Variants in XRCC6 observed in about 807,000 individuals in gnomAD.
XRCC6 encodes the protein DNA repair protein Ku70.
In XRCC6, 5 loss-of-function variants were observed where a neutral mutation model predicts 65.7. The observed-to-expected ratio is 0.08, with a 90% CI of 0.04 to 0.16. XRCC6 has a LOEUF of 0.16. Ranked by LOEUF, XRCC6 falls within the 10% of genes least tolerant of loss-of-function variation. The pLI, the probability that XRCC6 is intolerant of heterozygous loss-of-function variation, is 1.00. For missense variants in XRCC6, 447 were observed against 738.1 expected (o/e 0.61, Z 4.57); for synonymous variants, 270 against 270.6 (o/e 1.00, Z 0.02).
At position 41,636,099 on chromosome 22, in the gene XRCC6, A is replaced by AT. The variant is rs28384728; in HGVS notation, c.196-4dup. 29,237 of 1,467,304 alleles carry AT rather than the reference A, an allele frequency of 0.02. 550 individuals are homozygous for AT. The highest frequency in any genetic ancestry group is 0.097 in the African/African-American group (6,815 of 70,042). The allele number at this position is 1,467,304 out of a possible 1,614,324, so 90.9% of individuals were successfully genotyped here. A position where few individuals can be genotyped will look rare whatever the true frequency, so the allele number is the denominator to read the frequency against. On this transcript the variant is annotated splice_polypyrimidine_tract_variant and intron_variant, in intron 3 of 12. Transcript: ENST00000360079. ...TTAGTGGTAAGTAAATATTAATTGA[A>AT]TTTTTTTTTTCAGTGTATCCAAAGT...
chr22:41,642,664 G>A (rs1317076430), intron 6 of XRCC6, among the ~76,000 whole-genome samples: 2 of 152,174 alleles, frequency 1.3e-5, no homozygotes, highest in African/African-American at 4.8e-5. Flanking sequence ...GCTTTGGGTA[G>A]TCTGGGCATT....
chr22:41,646,829 A>G, intron 6 of XRCC6, 67 bp from the exon 7 acceptor site: 1 of 1,337,372 alleles, frequency 7.5e-7, no homozygotes. Flanking sequence ...CTTTGGTGTT[A>G]TGAGGGAATT....
In XRCC6 at chr22:41,650,648, A is replaced by G. The variant is rs2067985421; in HGVS notation, c.961-75A>G. ...AGAAGAGAGCTGATTTTAACTTGCTAGTGTCATCATCTTCGAGTTATTTTG... is the reference window on the plus strand; with the variant it reads ...AGAAGAGAGCTGATTTTAACTTGCTGGTGTCATCATCTTCGAGTTATTTTG... On this transcript the variant is annotated intron_variant, in intron 7 of 12. Coordinates refer to ENST00000360079, the MANE Select transcript of XRCC6 (RefSeq NM_001469.5). The G allele has an allele frequency of 3.0e-5, 45 of 1,490,586 alleles. No homozygotes were observed. The South Asian group carries it at 5.1e-4, about 17-fold the overall frequency. The allele number at this position is 1,490,586 out of a possible 1,614,324, so 92.3% of individuals were successfully genotyped here. A position where few individuals can be genotyped will look rare whatever the true frequency, so the allele number is the denominator to read the frequency against.
chr22:41,654,404 C>T (rs1159424764), intron 9 of XRCC6, among the ~76,000 whole-genome samples: 1 of 152,172 alleles, frequency 6.6e-6, no homozygotes, highest in African/African-American at 2.4e-5. Context: ...CTCTGCACTA[C>T]TGAGGCTGAA....
At chr22:41,638,337 G>A (rs1017202563) in intron 6 of XRCC6, among the ~76,000 whole-genome samples, 2 of 152,160 alleles carry the variant, frequency 1.3e-5, no homozygotes, top group Non-Finnish European at 2.9e-5. Flanking sequence ...CACACACCCA[G>A]AGAGTACAGC....
chr22:41,628,295 A>G, intron 3 of XRCC6, 65 bp downstream of exon 3: 1 of 1,392,814 alleles, frequency 7.2e-7, no homozygotes, highest in Admixed American at 1.8e-5. Context: ...GTGGCGGCTC[A>G]TGCCTGTAAT....
Position 41,661,319 on chromosome 22 carries a change from T to G in XRCC6, c.1523-12T>G. 1 of 1,610,590 alleles carries G rather than the reference T, an allele frequency of 6.2e-7. No homozygotes were observed. The highest frequency in any genetic ancestry group is 8.5e-7 in the Non-Finnish European group (1 of 1,178,924). ...ACTCACCAGGCCACTCTTCTGTGTTTTGATTTTCTAGTGCCCAAGGTTGAA... is the reference window on the plus strand; with the variant it reads ...ACTCACCAGGCCACTCTTCTGTGTTGTGATTTTCTAGTGCCCAAGGTTGAA... On this transcript the variant is annotated splice_polypyrimidine_tract_variant and intron_variant, in intron 11 of 12. Transcript: ENST00000360079.
Position 41,657,030 on chromosome 22 carries a change from C to T in XRCC6, c.1419C>T (p.Tyr473=), listed in dbSNP as rs1353327953. 3 of 1,570,232 alleles carry T rather than the reference C, an allele frequency of 1.9e-6. No homozygotes were observed. The highest frequency in any genetic ancestry group is 2.3e-5 in the East Asian group (1 of 44,026). The change falls in exon 10 of 13, where the codon TAC becomes TAT. Residue 473 remains tyrosine, a splice_region_variant and synonymous_variant. Coordinates refer to ENST00000360079, the MANE Select transcript of XRCC6 (RefSeq NM_001469.5). ...TCGTTGAGAAGCTTCGCTTCACATA[C>T]AGGTGAGTCAATCTCAGGCTTTCTG... is the stretch of plus-strand genomic sequence containing the variant. The part of the protein sequence containing the change: ...KAIVEKLRFT[Y]RSDSFENPVL...
intron 9 of XRCC6, among the ~76,000 whole-genome samples, chr22:41,654,618 A>G (rs1001077766): frequency 6.6e-6 from 1 of 152,248 alleles, no homozygotes; most frequent in Non-Finnish European, 1.5e-5. Flanking sequence ...TTCCAGAACC[A>G]GCCAGTAACT....
At chr22:41,631,273 C>T (rs1172324861) in intron 3 of XRCC6, among the ~76,000 whole-genome samples, 2 of 151,498 alleles carry the variant, frequency 1.3e-5, no homozygotes, top group Non-Finnish European at 3.0e-5. Flanking sequence ...GGGGCTGACC[C>T]CCCACCTCCC....
chr22:41,655,528 A>T (rs761538788), intron 9 of XRCC6, among the ~76,000 whole-genome samples: 4 of 151,824 alleles, frequency 2.6e-5, no homozygotes, highest in Non-Finnish European at 5.9e-5. Flanking sequence ...AACACGGTGA[A>T]ACCGTCTCTA....
intron 7 of XRCC6, among the ~76,000 whole-genome samples, chr22:41,649,139 A>AATATATATATATATATATATATAT (rs1555906700): frequency 2.8e-4 from 25 of 88,662 alleles, no homozygotes; most frequent in Admixed American, 5.2e-4. Context: ...AAAAAAAAAA[A>AATATATATATATATATATATATAT]ATATATATAT....
chr22:41,637,853 G>C (rs746494923), intron 6 of XRCC6, 62 bp downstream of exon 6: 1 of 1,533,420 alleles, frequency 6.5e-7, no homozygotes, highest in Non-Finnish European at 8.8e-7. Flanking sequence ...GGCTGGGCGC[G>C]GTGGCTCACA....
At chr22:41,658,914 A>AGT (rs1278626304) in intron 11 of XRCC6, among the ~76,000 whole-genome samples, 1 of 152,252 alleles carries the variant, frequency 6.6e-6, no homozygotes, top group Non-Finnish European at 1.5e-5. Flanking sequence ...CTGGTGACAG[A>AGT]GCGAGACGCT....
At position 41,663,641 on chromosome 22, in the gene XRCC6, C is replaced by T. The variant is rs773817206; in HGVS notation, c.1656C>T (p.Ser552=). 6.2e-6 allele frequency: 10 copies of T among 1,612,612 alleles called. No individual in the cohort carries two copies. In the African/African-American group the frequency reaches 1.3e-4, roughly 22 times the overall value. Residue 552 remains serine (S), a synonymous_variant, in exon 13 of 13, where the codon AGC becomes AGT. Coordinates refer to ENST00000360079, the MANE Select transcript of XRCC6 (RefSeq NM_001469.5). ...CCCCAGATAATGAAGGTTCTGGAAG[C>T]AAAAGGCCCAAGGTGGAGTATTCAG... ...KRKHDNEGSG[S]KRPKVEYSEE...
chr22:41,662,389 C>T (rs1448427237), intron 12 of XRCC6, among the ~76,000 whole-genome samples: 1 of 152,112 alleles, frequency 6.6e-6, no homozygotes, highest in Non-Finnish European at 1.5e-5. Context: ...TAGAAAAGAA[C>T]TGTCTATACA....
chr22:41,651,341 G>GAATGA (rs1345594071), intron 8 of XRCC6, among the ~76,000 whole-genome samples: 1 of 134,148 alleles, frequency 7.5e-6, no homozygotes, highest in African/African-American at 2.7e-5. Flanking sequence ...GGAAATGTGG[G>GAATGA]AATGAAGAAA....
chr22:41,627,979 A>T, intron 2 of XRCC6, 139 bp from the exon 3 acceptor site: 1 of 517,910 alleles, frequency 1.9e-6, no homozygotes, highest in African/African-American at 2.0e-5. Flanking sequence ...CAATTTCCTG[A>T]CATAGGTGGA....
rs757644788 is a variant in XRCC6, at chr22:41,657,037, G to A, written c.1421+5G>A. Reference sequence around the variant, plus strand: ...GAAGCTTCGCTTCACATACAGGTGAGTCAATCTCAGGCTTTCTGGAACTGC... The same window carrying A: ...GAAGCTTCGCTTCACATACAGGTGAATCAATCTCAGGCTTTCTGGAACTGC... On this transcript the variant is annotated splice_donor_5th_base_variant and intron_variant, in intron 10 of 12. Transcript: ENST00000360079. 1 of 1,564,810 alleles carries A rather than the reference G, an allele frequency of 6.4e-7. No homozygotes were observed. The highest frequency in any genetic ancestry group is 1.2e-5 in the South Asian group (1 of 82,970).
Sources: gnomAD v4.1 joint callset for allele counts (sites outside exome capture counted in the v4.1 genomes callset) on GRCh38, gnomAD v4.1.1 for gene constraint, MANE v1.5 for transcripts, NCBI Gene and HGNC (gene_info 2026-07-23, HGNC 2026-07-21) for gene names.